IL1RAPL2: variants seen among roughly 807,000 people sequenced by gnomAD.
IL1RAPL2 encodes X-linked interleukin-1 receptor accessory protein-like 2.
IL1RAPL2 carries 3 observed loss-of-function variants against 44.1 expected under a neutral mutation model. The ratio of observed to expected loss-of-function variants is 0.07; its 90% confidence interval spans 0.03 to 0.18. The LOEUF (loss-of-function observed/expected upper bound fraction) is 0.18, where lower values mean the gene tolerates loss of function less well. IL1RAPL2 is among the 10% of genes least tolerant of loss of function. The pLI is 1.00. For missense variants in IL1RAPL2, 391 were observed against 496.4 expected, an observed-to-expected ratio of 0.79 and a Z score of 2.02; for synonymous variants, 181 against 178.8, an observed-to-expected ratio of 1.01 and a Z score of -0.10.
intron 1 of IL1RAPL2, among the ~76,000 whole-genome samples, chrX:104,620,988 A>G (rs973669424): frequency 3.9e-5 from 4 of 103,695 alleles, no homozygotes; most frequent in African/African-American, 1.4e-4. Flanking sequence ...ATATAATAAC[A>G]TATACATTCT....
At chrX:105,237,239 A>G (rs185297671) in intron 4 of IL1RAPL2, among the ~76,000 whole-genome samples, 1 of 112,070 alleles carries the variant, frequency 8.9e-6, no homozygotes, top group African/African-American at 3.2e-5. Context: ...AATCCAGTCT[A>G]TCATTGTTGG....
At chrX:105,705,263 T>C (rs909154274) in intron 6 of IL1RAPL2, among the ~76,000 whole-genome samples, 22 of 110,830 alleles carry the variant, frequency 2.0e-4, no homozygotes, top group Middle Eastern at 4.7e-3. Context: ...CTAGTAGATA[T>C]ATATGTGTGT....
intron 2 of IL1RAPL2, among the ~76,000 whole-genome samples, chrX:104,752,450 C>T (rs1202875792): frequency 1.8e-5 from 2 of 110,566 alleles, no homozygotes; most frequent in South Asian, 3.9e-4. Flanking sequence ...GTGACAAGGG[C>T]CCCACTATCC....
At chrX:105,527,617 T>G (rs913575943) in intron 6 of IL1RAPL2, among the ~76,000 whole-genome samples, 1 of 111,417 alleles carries the variant, frequency 9.0e-6, no homozygotes, top group African/African-American at 3.3e-5. Flanking sequence ...TGAAACAGAA[T>G]TGATTTGTGT....
At chrX:104,785,104 C>T (rs904933752) in intron 2 of IL1RAPL2, among the ~76,000 whole-genome samples, 2 of 110,092 alleles carry the variant, frequency 1.8e-5, no homozygotes, top group African/African-American at 3.3e-5. Flanking sequence ...CTCAACCTCC[C>T]GGGCTCAAGT....
intron 1 of IL1RAPL2, among the ~76,000 whole-genome samples, chrX:104,639,119 C>CT (rs935483188): frequency 2.2e-4 from 25 of 111,134 alleles, no homozygotes; most frequent in African/African-American, 5.2e-4. Context: ...ACTTTTTTGT[C>CT]TTTTTTTTAA....
intron 6 of IL1RAPL2, among the ~76,000 whole-genome samples, chrX:105,697,701 C>A (rs1923804962): frequency 9.0e-6 from 1 of 111,364 alleles, no homozygotes; most frequent in African/African-American, 3.3e-5. Flanking sequence ...ATGGCACATG[C>A]ATATAAGTAC....
intron 2 of IL1RAPL2, among the ~76,000 whole-genome samples, chrX:104,797,671 CTCAAATACCTGCATAGT>C (rs944432198): frequency 3.6e-5 from 4 of 111,942 alleles, no homozygotes; most frequent in African/African-American, 1.3e-4. Context: ...TAGATTCATT[CTCAAATACCTGCATAGT>C]TCAGATTGCT....
At chrX:104,986,310 G>T (rs757597454) in intron 2 of IL1RAPL2, among the ~76,000 whole-genome samples, 9 of 111,983 alleles carry the variant, frequency 8.0e-5, no homozygotes, top group African/African-American at 2.3e-4. Flanking sequence ...CTTCTTTGGA[G>T]GATTAAATGA....
At chrX:105,527,436 T>TTTTG (rs757688648) in intron 6 of IL1RAPL2, among the ~76,000 whole-genome samples, 3 of 95,634 alleles carry the variant, frequency 3.1e-5, no homozygotes, top group Non-Finnish European at 4.2e-5. Context: ...TGAGAGTGTG[T>TTTTG]TGTGTGTGTG....
At chrX:104,763,229 G>A (rs1461117285) in intron 2 of IL1RAPL2, among the ~76,000 whole-genome samples, 2 of 111,866 alleles carry the variant, frequency 1.8e-5, no homozygotes, top group Non-Finnish European at 3.8e-5. Context: ...CATAGCAAGG[G>A]CTACTTTTGC....
intron 1 of IL1RAPL2, among the ~76,000 whole-genome samples, chrX:104,643,382 GA>G (rs1368868483): frequency 9.0e-6 from 1 of 111,511 alleles, no homozygotes; most frequent in East Asian, 2.8e-4. Flanking sequence ...ATTATAAAAA[GA>G]CCTACTGTTC....
chrX:105,036,548 T>TAAAAG (rs1435635759), intron 2 of IL1RAPL2, among the ~76,000 whole-genome samples: 3 of 111,891 alleles, frequency 2.7e-5, no homozygotes, highest in African/African-American at 9.8e-5. Context: ...TTTACTAAAA[T>TAAAAG]AAAATAAAAA....
chrX:105,232,738 A>G (rs1163558058), intron 3 of IL1RAPL2, among the ~76,000 whole-genome samples: 2 of 112,218 alleles, frequency 1.8e-5, no homozygotes, highest in Admixed American at 9.5e-5. Context: ...TGTTTATTGA[A>G]CTCACATTAT....
chrX:104,588,156 C>T (rs943291666), intron 1 of IL1RAPL2, among the ~76,000 whole-genome samples: 6 of 111,428 alleles, frequency 5.4e-5, no homozygotes, highest in African/African-American at 2.0e-4. Context: ...TTCTAGATTT[C>T]TATAGCATTT....
In IL1RAPL2 at chrX:105,233,798, T is replaced by C. The variant is rs782066758; in HGVS notation, c.357-20T>C. 7.7e-6 allele frequency: 9 copies of C among 1,173,160 alleles called. No individual in the cohort carries two copies. Among genetic ancestry groups the C allele is most frequent in the Non-Finnish European group, 1.0e-5 (9 of 869,441 alleles). On this transcript the variant is annotated intron_variant, in intron 3 of 10. Coordinates refer to ENST00000372582, the MANE Select transcript of IL1RAPL2 (RefSeq NM_017416.2). ...GTAAACACCCAATAAAGCCATTTTG[T>C]TATTTCTCTGTTCCTACAGAAACTC...
intron 6 of IL1RAPL2, among the ~76,000 whole-genome samples, chrX:105,530,974 T>A (rs1312169428): frequency 3.6e-5 from 4 of 112,041 alleles, no homozygotes; most frequent in Non-Finnish European, 7.5e-5. Flanking sequence ...ATTTTCTTTA[T>A]CCATTCATCT....
chrX:105,009,545 A>G (rs1466381095), intron 2 of IL1RAPL2, among the ~76,000 whole-genome samples: 1 of 98,432 alleles, frequency 1.0e-5, no homozygotes, highest in African/African-American at 3.8e-5. Flanking sequence ...TGGGAATTGA[A>G]CAATGAGAAC....
intron 5 of IL1RAPL2, among the ~76,000 whole-genome samples, chrX:105,319,503 G>T (rs2034880555): frequency 9.0e-6 from 1 of 111,660 alleles, no homozygotes; most frequent in African/African-American, 3.3e-5. Flanking sequence ...ATTGTGATAG[G>T]AATATGTTCC....
Sources: allele counts gnomAD v4.1 joint callset (sites outside exome capture counted in the v4.1 genomes callset), GRCh38; gene constraint gnomAD v4.1.1; transcripts MANE v1.5; gene names NCBI Gene and HGNC (gene_info 2026-07-23, HGNC 2026-07-21).